Variants in SOCS4 observed in about 807,000 individuals in gnomAD.
SOCS4 encodes suppressor of cytokine signaling 4.
In SOCS4, 20 loss-of-function variants were observed where a neutral mutation model predicts 34.1. That is an observed-to-expected ratio of 0.59 (90% CI 0.41 to 0.85). The LOEUF (loss-of-function observed/expected upper bound fraction) is 0.85, where lower values mean the gene tolerates loss of function less well. Ranked by LOEUF, SOCS4 falls within the 40% of genes least tolerant of loss-of-function variation. The pLI is 0.00. For synonymous variants in SOCS4, 180 were observed against 186.4 expected (o/e 0.97, Z 0.28); for missense variants, 479 against 532.4 (o/e 0.90, Z 0.99).
chr14:55,036,664 T>C (rs1447857177), intron 2 of SOCS4, among the ~76,000 whole-genome samples: 1 of 152,108 alleles, frequency 6.6e-6, no homozygotes, highest in Admixed American at 6.6e-5. Context: ...AATTTTCTAA[T>C]ATAGTTTCTT....
chr14:55,039,015 CTTG>C (rs901694052), intron 2 of SOCS4, among the ~76,000 whole-genome samples: 11 of 152,026 alleles, frequency 7.2e-5, no homozygotes, highest in Non-Finnish European at 1.5e-4. Flanking sequence ...CTCATATTTT[CTTG>C]TTGTTTGGAC....
Position 55,046,029 on chromosome 14 carries a change from A to ATT in SOCS4, c.*1674_*1675dup, listed in dbSNP as rs984713223. The ATT allele has an allele frequency of 4.3e-5, 7 of 161,862 alleles. No homozygotes were observed. The highest frequency in any genetic ancestry group is 1.3e-4 in the Admixed American group (2 of 14,904). 10.0% of individuals were successfully genotyped at this position (161,862 alleles called of 1,614,324 possible). A position where few individuals can be genotyped will look rare whatever the true frequency, so the allele number is the denominator to read the frequency against. On this transcript the variant is annotated 3_prime_UTR_variant, in exon 3 of 3. Transcript: ENST00000555846. ...ATCTCTATTACCGTTATCTTTTAGC[A>ATT]TTTTTTTTTTCCTCAGTGATCTCAA...
chr14:55,046,708 G>A lies in SOCS4; in HGVS notation c.*2344G>A, dbSNP rs2042679259. 1.2e-5 allele frequency: 2 copies of A among 166,960 alleles called. No homozygotes were observed. The highest frequency in any genetic ancestry group is 2.9e-5 in the Non-Finnish European group (2 of 68,048). The allele number at this position is 166,960 out of a possible 1,614,324, so 10.3% of individuals were successfully genotyped here. A position where few individuals can be genotyped will look rare whatever the true frequency, so the allele number is the denominator to read the frequency against. On this transcript the variant is annotated 3_prime_UTR_variant, in exon 3 of 3. Transcript: ENST00000555846. ...TGATCTAATAAATGAGAGCAGGGAG[G>A]AGATTCATTGACTCTGAAATGATTT...
Position 55,043,272 on chromosome 14 carries a change from C to G in SOCS4, c.231C>G (p.Asp77Glu), listed in dbSNP as rs2042637207. The change falls in exon 3 of 3, where the codon GAC becomes GAG. Residue 77 changes from aspartate (D) to glutamate (E), a missense_variant. Asp to Glu is a conservative substitution (Grantham distance 45, BLOSUM62 2). Coordinates refer to ENST00000555846, the MANE Select transcript of SOCS4 (RefSeq NM_199421.2). Reference protein sequence around the residue: ...RKHSCSSIELDLDHSCGHRFL... With the variant: ...RKHSCSSIELELDHSCGHRFL... ...ACAGCTGTTCATCCATTGAGTTGGACTTAGATCATTCCTGTGGGCATCGAT... is the reference window on the plus strand; with the variant it reads ...ACAGCTGTTCATCCATTGAGTTGGAGTTAGATCATTCCTGTGGGCATCGAT... The G allele has an allele frequency of 3.1e-6, 5 of 1,614,088 alleles. No homozygotes were observed. The highest frequency in any genetic ancestry group is 1.6e-4 in the Middle Eastern group (1 of 6,084).
In SOCS4 at chr14:55,043,738, G is replaced by C; in HGVS notation, c.697G>C (p.Glu233Gln). 1 of 1,614,134 alleles carries C rather than the reference G, an allele frequency of 6.2e-7. No homozygotes were observed. ...IEDSDMDSDD[E>Q]ILTLCTSSRK... ...AGATAGTGATATGGATTCCGATGAT[G>C]AAATTCTAACACTTTGCACAAGTTC... The change falls in exon 3 of 3, where the codon GAA becomes CAA. Residue 233 changes from glutamate (E) to glutamine (Q), a missense_variant. Transcript: ENST00000555846.
Position 55,043,126 on chromosome 14 carries a change from G to C in SOCS4, c.85G>C (p.Gly29Arg), listed in dbSNP as rs201252248. 1 of 1,614,060 alleles carries C rather than the reference G, an allele frequency of 6.2e-7. No individual in the cohort carries two copies. The highest frequency in any genetic ancestry group is 8.5e-7 in the Non-Finnish European group (1 of 1,180,040). Residue 29 changes from glycine (G) to arginine (R), a missense_variant, in exon 3 of 3, where the codon GGT (glycine) becomes CGT (arginine). Coordinates refer to ENST00000555846, the MANE Select transcript of SOCS4 (RefSeq NM_199421.2). ...SRSRSADRKD[G>R]YVWSGKKLSW... ...GAGCAGAAGTGCCGACAGAAAAGAC[G>C]GTTATGTGTGGAGTGGAAAGAAGTT...
chr14:55,033,879 T>C (rs936338166), intron 2 of SOCS4, among the ~76,000 whole-genome samples: 5 of 152,232 alleles, frequency 3.3e-5, no homozygotes, highest in African/African-American at 1.2e-4. Flanking sequence ...ATGCCTGTAA[T>C]TCCAGCACTT....
Position 55,044,424 on chromosome 14 carries a change from C to A in SOCS4, c.*60C>A. ...TTTTTTCTTTTAATATTTTATTTTT[C>A]TTTTTATGCCACTTTGGATTTTTCT... On this transcript the variant is annotated 3_prime_UTR_variant, in exon 3 of 3. Coordinates refer to ENST00000555846, the MANE Select transcript of SOCS4 (RefSeq NM_199421.2). 8.2e-7 allele frequency: 1 copy of A among 1,213,786 alleles called. No homozygotes were observed. 75.2% of individuals were successfully genotyped at this position (1,213,786 alleles called of 1,614,324 possible).
chr14:55,033,892 G>A (rs2042549685), intron 2 of SOCS4, among the ~76,000 whole-genome samples: 1 of 152,232 alleles, frequency 6.6e-6, no homozygotes, highest in Non-Finnish European at 1.5e-5. Context: ...CAGCACTTTG[G>A]GTGGCCGAGG....
rs561717790 is a variant in SOCS4 at position 55,048,234 on chromosome 14, G to C, written c.*3870G>C. 1 of 166,996 alleles carries C rather than the reference G, an allele frequency of 6.0e-6. No individual in the cohort carries two copies. The highest frequency in any genetic ancestry group is 6.5e-5 in the Admixed American group (1 of 15,274). 10.3% of individuals were successfully genotyped at this position (166,996 alleles called of 1,614,324 possible). A position where few individuals can be genotyped will look rare whatever the true frequency, so the allele number is the denominator to read the frequency against. Reference sequence around the variant, plus strand: ...TGTGCCCGGCCAAGATCTAACTCACGCTTACTTTTCATTAAAATATTTCTT... The same window carrying C: ...TGTGCCCGGCCAAGATCTAACTCACCCTTACTTTTCATTAAAATATTTCTT... On this transcript the variant is annotated 3_prime_UTR_variant, in exon 3 of 3. Coordinates refer to ENST00000555846, the MANE Select transcript of SOCS4 (RefSeq NM_199421.2).
At chr14:55,027,754 T>G (rs1432838627) in intron 1 of SOCS4, 1 of 152,288 alleles carries the variant, frequency 6.6e-6, no homozygotes, top group Non-Finnish European at 1.5e-5. Context: ...TCTTGGTACC[T>G]GAAGGTATAA....
chr14:55,036,611 T>A (rs572943464), intron 2 of SOCS4, among the ~76,000 whole-genome samples: 55 of 152,154 alleles, frequency 3.6e-4, no homozygotes, highest in Non-Finnish European at 7.1e-4. Flanking sequence ...CCCAAAGTGC[T>A]GGGATTACAG....
intron 1 of SOCS4, among the ~76,000 whole-genome samples, chr14:55,030,125 T>G (rs2042515751): frequency 6.7e-6 from 1 of 149,700 alleles, no homozygotes; most frequent in Admixed American, 6.6e-5. Context: ...ACCGCACTGA[T>G]TCTCCAAATC....
chr14:55,030,453 T>G (rs1302447828), intron 1 of SOCS4, among the ~76,000 whole-genome samples: 1 of 152,142 alleles, frequency 6.6e-6, no homozygotes, highest in Non-Finnish European at 1.5e-5. Flanking sequence ...GACTTCAGAT[T>G]TCTGAGGCAC....
rs754149336 is a variant in SOCS4, at chr14:55,043,688, A to G, written c.647A>G (p.Asn216Ser). The G allele has an allele frequency of 1.5e-5, 25 of 1,614,110 alleles. No individual in the cohort carries two copies. The South Asian group carries it at 2.7e-4, about 18-fold the overall frequency. The change falls in exon 3 of 3, where the codon AAC (asparagine) becomes AGC (serine). Residue 216 changes from asparagine to serine, a missense_variant. Coordinates refer to ENST00000555846, the MANE Select transcript of SOCS4 (RefSeq NM_199421.2). ...GGTCCTATGACTGGCTCTGTGATGA[A>G]CCTGGTTTCAAATAACAGTATAGAA... Reference protein sequence around the residue: ...REGPMTGSVMNLVSNNSIEDS... With the variant: ...REGPMTGSVMSLVSNNSIEDS...
chr14:55,041,501 CAG>C (rs2042617905), intron 2 of SOCS4, among the ~76,000 whole-genome samples: 1 of 151,252 alleles, frequency 6.6e-6, no homozygotes, highest in African/African-American at 2.4e-5. Context: ...TCCTCCAAGA[CAG>C]AGTCTTGCTC....
At chr14:55,040,334 G>A (rs1160497111) in intron 2 of SOCS4, among the ~76,000 whole-genome samples, 2 of 152,226 alleles carry the variant, frequency 1.3e-5, no homozygotes, top group African/African-American at 4.8e-5. Context: ...GTCCATGGAT[G>A]TTCAAATCCC....
chr14:55,031,334 A>T (rs1594608628), intron 1 of SOCS4, among the ~76,000 whole-genome samples: 2 of 152,174 alleles, frequency 1.3e-5, no homozygotes, highest in East Asian at 3.8e-4. Context: ...CACTGATGTT[A>T]ACAGATTAGC....
At chr14:55,037,111 C>T (rs1029127786) in intron 2 of SOCS4, among the ~76,000 whole-genome samples, 5 of 151,060 alleles carry the variant, frequency 3.3e-5, no homozygotes, top group African/African-American at 1.2e-4. Flanking sequence ...AAGTGAGACC[C>T]TTTCTCAATA....
Sources: gnomAD v4.1 joint callset for allele counts (sites outside exome capture counted in the v4.1 genomes callset) on GRCh38, gnomAD v4.1.1 for gene constraint, MANE v1.5 for transcripts, NCBI Gene and HGNC (gene_info 2026-07-23, HGNC 2026-07-21) for gene names.